Variants in EIF2AK3 observed in about 807,000 individuals in gnomAD.
EIF2AK3 encodes eukaryotic translation initiation factor 2-alpha kinase 3.
In EIF2AK3, 50 loss-of-function variants were observed where a neutral mutation model predicts 113.5. The observed-to-expected ratio is 0.44, with a 90% confidence interval of 0.35 to 0.56. The LOEUF (loss-of-function observed/expected upper bound fraction) is 0.56. Among genes scored for constraint, EIF2AK3 ranks in the 20% least tolerant of loss-of-function variants. The pLI is 0.00. For synonymous variants in EIF2AK3, 448 were observed against 495.4 expected (o/e 0.90, Z 1.27); for missense variants, 1,185 against 1,378.0 (o/e 0.86, Z 2.22).
intron 13 of EIF2AK3, among the ~76,000 whole-genome samples, chr2:88,572,696 G>A (rs776750654): frequency 2.0e-4 from 31 of 152,248 alleles, no homozygotes; most frequent in South Asian, 8.3e-4. Flanking sequence ...TCCTTTTCTG[G>A]TTAAGTCAGT....
At chr2:88,591,076 T>C in intron 4 of EIF2AK3, 24 bp from the exon 5 acceptor site, 2 of 1,604,186 alleles carry the variant, frequency 1.2e-6, no homozygotes, top group Non-Finnish European at 8.5e-7. Flanking sequence ...AGGTGTGTTT[T>C]AGAAATTTAC....
intron 2 of EIF2AK3, among the ~76,000 whole-genome samples, chr2:88,606,481 C>T (rs1675282550): frequency 6.6e-6 from 1 of 152,010 alleles, no homozygotes; most frequent in Admixed American, 6.6e-5. Context: ...AAGCAATTAA[C>T]CCAGGCAATT....
At chr2:88,567,620 G>A (rs1450184211) in intron 14 of EIF2AK3, among the ~76,000 whole-genome samples, 1 of 152,068 alleles carries the variant, frequency 6.6e-6, no homozygotes, top group Non-Finnish European at 1.5e-5. Flanking sequence ...AAGAACCATT[G>A]GCACATATCG....
intron 12 of EIF2AK3, 151 bp from the exon 13 acceptor site, chr2:88,575,597 T>C: frequency 1.2e-6 from 1 of 810,240 alleles, no homozygotes; most frequent in Non-Finnish European, 2.0e-6. Flanking sequence ...AAACATGCAA[T>C]GTGAGATACA....
chr2:88,620,378 ACT>A (rs1440757489), intron 1 of EIF2AK3, among the ~76,000 whole-genome samples: 1 of 152,152 alleles, frequency 6.6e-6, no homozygotes, highest in African/African-American at 2.4e-5. Flanking sequence ...CCAAATGAAC[ACT>A]GTGTATAATA....
At chr2:88,610,001 A>G (rs1268157689) in intron 2 of EIF2AK3, among the ~76,000 whole-genome samples, 1 of 150,296 alleles carries the variant, frequency 6.7e-6, no homozygotes, top group Non-Finnish European at 1.5e-5. Context: ...AAGCGCCTAT[A>G]GTCTTAGCCA....
At chr2:88,617,671 C>T (rs908565159) in intron 1 of EIF2AK3, among the ~76,000 whole-genome samples, 23 of 151,164 alleles carry the variant, frequency 1.5e-4, no homozygotes, top group Non-Finnish European at 3.2e-4. Context: ...GCAGGGGAAT[C>T]GCTTGAACCC....
intron 8 of EIF2AK3, among the ~76,000 whole-genome samples, chr2:88,587,218 A>C (rs1674759772): frequency 6.6e-6 from 1 of 150,444 alleles, no homozygotes. Context: ...AAAAAAAAAA[A>C]AAAAAAAAAA....
intron 3 of EIF2AK3, chr2:88,594,082 A>C (rs1396408758): frequency 4.0e-6 from 1 of 248,972 alleles, no homozygotes. Context: ...ATGCAGATGC[A>C]GGTGGGTGGA....
At chr2:88,621,698 C>T (rs1675729123) in intron 1 of EIF2AK3, among the ~76,000 whole-genome samples, 1 of 152,102 alleles carries the variant, frequency 6.6e-6, no homozygotes, top group Admixed American at 6.5e-5. Context: ...AAACATATGA[C>T]AAGACTAGCC....
chr2:88,608,925 G>A (rs1298884168), intron 2 of EIF2AK3, among the ~76,000 whole-genome samples: 2 of 150,414 alleles, frequency 1.3e-5, no homozygotes, highest in African/African-American at 4.9e-5. Flanking sequence ...GTAGAGATGG[G>A]GTTTTGCCAT....
At chr2:88,603,982 G>A (rs1201714107) in intron 2 of EIF2AK3, among the ~76,000 whole-genome samples, 3 of 151,840 alleles carry the variant, frequency 2.0e-5, no homozygotes, top group African/African-American at 4.8e-5. Flanking sequence ...TATCTTCCTC[G>A]TTAAACATCT....
At chr2:88,559,540 G>GTGTGTGTA (rs1673882479) in intron 15 of EIF2AK3, among the ~76,000 whole-genome samples, 1 of 150,492 alleles carries the variant, frequency 6.6e-6, no homozygotes, top group Non-Finnish European at 1.5e-5. Flanking sequence ...GTGTGTGTGT[G>GTGTGTGTA]TGTATGTACA....
At chr2:88,626,842 C>G in intron 1 of EIF2AK3, 125 bp downstream of exon 1, 2 of 1,322,176 alleles carry the variant, frequency 1.5e-6, no homozygotes, top group Non-Finnish European at 2.0e-6. Context: ...CCCCAGGTCG[C>G]CAGCTGCCCT....
chr2:88,603,783 T>A (rs1441050288), intron 2 of EIF2AK3, among the ~76,000 whole-genome samples: 1 of 152,190 alleles, frequency 6.6e-6, no homozygotes, highest in Non-Finnish European at 1.5e-5. Flanking sequence ...ACACAAGCAA[T>A]TCTAATTTTA....
rs1451994384 is a variant in EIF2AK3 at position 88,588,804 on chromosome 2, G to A, written c.1263C>T (p.Asn421=). The change falls in exon 7 of 17, where the codon AAC becomes AAT. Residue 421 remains asparagine, a synonymous_variant. Coordinates refer to ENST00000303236, the MANE Select transcript of EIF2AK3 (RefSeq NM_004836.7). ...PKALESVTNE[N]AIIPLPTIKW... ...TGATTGTTGGTAAAGGAATAATTGCGTTTTCATTAGTGACAGATTCCAAAG... is the reference window on the plus strand; with the variant it reads ...TGATTGTTGGTAAAGGAATAATTGCATTTTCATTAGTGACAGATTCCAAAG... 3.7e-6 allele frequency: 6 copies of A among 1,613,728 alleles called. No individual in the cohort carries two copies. Among genetic ancestry groups the A allele is most frequent in the South Asian group, 3.3e-5 (3 of 91,078 alleles).
In EIF2AK3 at chr2:88,571,144, A is replaced by C. The variant is rs1434781612; in HGVS notation, c.2818-103T>G. On this transcript the variant is annotated intron_variant, in intron 13 of 16. Coordinates refer to ENST00000303236, the MANE Select transcript of EIF2AK3 (RefSeq NM_004836.7). ...ACAAAGAAAAAATACAACAAACTAG[A>C]TATTTTCAAGCATATTTCTTTTTAA... The C allele has an allele frequency of 5.0e-5, 68 of 1,349,940 alleles. No individual in the cohort carries two copies. The Middle Eastern group carries it at 6.4e-4, about 13-fold the overall frequency. The allele number at this position is 1,349,940 out of a possible 1,614,324, so 83.6% of individuals were successfully genotyped here.
chr2:88,608,090 T>G (rs1389498957), intron 2 of EIF2AK3, among the ~76,000 whole-genome samples: 2 of 152,180 alleles, frequency 1.3e-5, no homozygotes, highest in Non-Finnish European at 2.9e-5. Context: ...CCAGCAAAAG[T>G]ACATGGGATC....
chr2:88,578,944 C>T (rs945276629), intron 11 of EIF2AK3, among the ~76,000 whole-genome samples: 3 of 151,944 alleles, frequency 2.0e-5, no homozygotes, highest in Admixed American at 6.6e-5. Context: ...AAATATGGCA[C>T]GTGTATTAAA....
Sources: gnomAD v4.1 joint callset for allele counts (sites outside exome capture counted in the v4.1 genomes callset) on GRCh38, gnomAD v4.1.1 for gene constraint, MANE v1.5 for transcripts, NCBI Gene and HGNC (gene_info 2026-07-23, HGNC 2026-07-21) for gene names.